DDB2: variants seen among roughly 807,000 people sequenced by gnomAD.
DDB2 encodes the protein damage specific DNA binding protein 2.
A neutral mutation model predicts 50.5 loss-of-function variants in DDB2; 27 were observed. The observed-to-expected ratio is 0.53, with a 90% CI of 0.39 to 0.74. DDB2 has a LOEUF of 0.74. Ranked by LOEUF, DDB2 falls within the 30% of genes least tolerant of loss-of-function variation. The pLI, the probability that DDB2 is intolerant of heterozygous loss-of-function variation, is 0.00. For missense variants in DDB2, 424 were observed against 545.6 expected, an observed-to-expected ratio of 0.78 and a Z score of 2.22; for synonymous variants, 176 against 205.5, an observed-to-expected ratio of 0.86 and a Z score of 1.23.
At position 47,232,946 on chromosome 11, in the gene DDB2, T is replaced by C. The variant is rs1297470860; in HGVS notation, c.589T>C (p.Ser197Pro). 1.2e-6 allele frequency: 2 copies of C among 1,614,200 alleles called. No individual in the cohort carries two copies. Among genetic ancestry groups the C allele is most frequent in the Non-Finnish European group, 1.7e-6 (2 of 1,180,038 alleles). Residue 197 changes from serine (S) to proline (P), a missense_variant, in exon 4 of 10, where the codon TCA becomes CCA. Transcript: ENST00000256996. Reference sequence around the variant, plus strand: ...CAACATTCTACGAGTTTTTGCCAGCTCAGACACCATCAAGTGAGTAGTTTA... The same window carrying C: ...CAACATTCTACGAGTTTTTGCCAGCCCAGACACCATCAAGTGAGTAGTTTA... ...KGNILRVFAS[S>P]DTINIWFCSL...
chr11:47,222,613 C>T (rs956089763), intron 3 of DDB2, among the ~76,000 whole-genome samples: 1 of 152,112 alleles, frequency 6.6e-6, no homozygotes, highest in African/African-American at 2.4e-5. Flanking sequence ...CCCAAAGTGC[C>T]GGGATTATAG....
At chr11:47,223,585 C>T (rs1472238574) in intron 3 of DDB2, among the ~76,000 whole-genome samples, 1 of 151,998 alleles carries the variant, frequency 6.6e-6, no homozygotes, top group East Asian at 1.9e-4. Context: ...TTGAGACCAC[C>T]CTGGCTAACA....
chr11:47,215,122 C>T lies in DDB2; in HGVS notation c.-15C>T, dbSNP rs759835280. ...CTTCGCATAGAGCACAGTACCCCTTCACACGGAGGACGCGATGGCTCCCAA... is the reference window on the plus strand; with the variant it reads ...CTTCGCATAGAGCACAGTACCCCTTTACACGGAGGACGCGATGGCTCCCAA... On this transcript the variant is annotated 5_prime_UTR_variant, in exon 1 of 10. Transcript: ENST00000256996. The T allele has an allele frequency of 6.2e-7, 1 of 1,614,028 alleles. No homozygotes were observed. The highest frequency in any genetic ancestry group is 1.1e-5 in the South Asian group (1 of 91,074).
chr11:47,234,655 A>G lies in DDB2; in HGVS notation c.685A>G (p.Asn229Asp). 2.5e-6 allele frequency: 4 copies of G among 1,614,062 alleles called. No homozygotes were observed. The highest frequency in any genetic ancestry group is 1.1e-5 in the South Asian group (1 of 91,082). The change falls in exon 5 of 10, where the codon AAC (asparagine) becomes GAC (aspartate). Residue 229 changes from asparagine to aspartate, a missense_variant. By Grantham distance (23) the Asn-to-Asp change is conservative. Coordinates refer to ENST00000256996, the MANE Select transcript of DDB2 (RefSeq NM_000107.3). Reference sequence around the variant, plus strand: ...CAACGTGGGGAACGTGATCCTGCTGAACATGGACGGCAAAGAGGTGCGTTC... The same window carrying G: ...CAACGTGGGGAACGTGATCCTGCTGGACATGGACGGCAAAGAGGTGCGTTC... Reference protein sequence around the residue: ...GDNVGNVILLNMDGKELWNLR... With the variant: ...GDNVGNVILLDMDGKELWNLR...
In DDB2 at chr11:47,221,362, C is replaced by T. The variant is rs542774933; in HGVS notation, c.456+4313C>T. The stretch of plus-strand genomic sequence containing the variant: ...GATCTCACCTCACTGCAACCTCCGC[C>T]TCCTGGGTTCAAGCTATTCTCCTTC... On this transcript the variant is annotated intron_variant, in intron 3 of 9. Coordinates refer to ENST00000256996, the MANE Select transcript of DDB2 (RefSeq NM_000107.3). Among the ~76,000 whole-genome samples, 15 of 151,926 alleles carry T rather than the reference C, an allele frequency of 9.9e-5. No individual in the cohort carries two copies. The South Asian group carries it at 2.9e-3, about 30-fold the overall frequency.
At chr11:47,216,803 A>G in intron 2 of DDB2, 55 bp from the exon 3 acceptor site, 1 of 1,566,522 alleles carries the variant, frequency 6.4e-7, no homozygotes, top group South Asian at 1.1e-5. Context: ...AGAGATTGGC[A>G]GTTTACCCAG....
chr11:47,236,628 G>A (rs1333006892), intron 7 of DDB2, among the ~76,000 whole-genome samples: 1 of 152,342 alleles, frequency 6.6e-6, no homozygotes, highest in South Asian at 2.1e-4. Flanking sequence ...TAGGGTTGTT[G>A]TGAAGATGAG....
intron 4 of DDB2, chr11:47,233,237 A>G (rs1953674416): frequency 2.1e-6 from 1 of 484,982 alleles, no homozygotes; most frequent in Non-Finnish European, 3.8e-6. Context: ...ATAAGCCAGC[A>G]TGGCGTGGAC....
intron 3 of DDB2, chr11:47,217,432 A>G (rs917497170): frequency 1.3e-5 from 2 of 155,304 alleles, no homozygotes; most frequent in African/African-American, 4.8e-5. Context: ...TGTTTGTTGA[A>G]GGCATGAAAG....
In DDB2 at chr11:47,238,331, C is replaced by T; in HGVS notation, c.1234+148C>T. The T allele has an allele frequency of 6.1e-5, 45 of 742,044 alleles. No homozygotes were observed. In the South Asian group the frequency reaches 6.7e-4, roughly 11 times the overall value. The allele number at this position is 742,044 out of a possible 1,614,324, so 46.0% of individuals were successfully genotyped here. On this transcript the variant is annotated intron_variant, in intron 9 of 9. Coordinates refer to ENST00000256996, the MANE Select transcript of DDB2 (RefSeq NM_000107.3). ...GGCTGGGAGACAGTGGTCTCTATAGCCAAGGCCCTCCATTCCTCTGGCTTT... is the reference window on the plus strand; with the variant it reads ...GGCTGGGAGACAGTGGTCTCTATAGTCAAGGCCCTCCATTCCTCTGGCTTT...
In DDB2 at chr11:47,215,108, G is replaced by GCA. The variant is rs764220947; in HGVS notation, c.-26_-25dup. On this transcript the variant is annotated 5_prime_UTR_variant, in exon 1 of 10. Coordinates refer to ENST00000256996, the MANE Select transcript of DDB2 (RefSeq NM_000107.3). ...CCTCCCTCCATGATCTTCGCATAGA[G>GCA]CACAGTACCCCTTCACACGGAGGAC... is the stretch of plus-strand genomic sequence containing the variant. The GCA allele has an allele frequency of 6.2e-7, 1 of 1,613,800 alleles. No homozygotes were observed. Among genetic ancestry groups the GCA allele is most frequent in the African/African-American group, 1.3e-5 (1 of 74,906 alleles).
At chr11:47,228,591 C>T (rs1173526836) in intron 3 of DDB2, among the ~76,000 whole-genome samples, 1 of 142,076 alleles carries the variant, frequency 7.0e-6, no homozygotes, top group Non-Finnish European at 1.5e-5. Flanking sequence ...TGCAGTGAGC[C>T]AAGATTGTGC....
At chr11:47,225,555 G>T (rs1953546660) in intron 3 of DDB2, among the ~76,000 whole-genome samples, 1 of 151,528 alleles carries the variant, frequency 6.6e-6, no homozygotes, top group African/African-American at 2.4e-5. Context: ...TTATGCCACT[G>T]CACTCCAGCC....
intron 4 of DDB2, 33 bp from the exon 5 acceptor site, chr11:47,234,540 C>T: frequency 1.3e-6 from 2 of 1,583,822 alleles, no homozygotes; most frequent in Non-Finnish European, 1.7e-6. Context: ...ATCTCTGTCC[C>T]CAAGAATCTT....
intron 3 of DDB2, among the ~76,000 whole-genome samples, chr11:47,225,290 C>T (rs936891140): frequency 4.0e-5 from 6 of 148,678 alleles, no homozygotes; most frequent in African/African-American, 1.2e-4. Flanking sequence ...AGTAATACTG[C>T]TTTTTTTAAA....
intron 3 of DDB2, among the ~76,000 whole-genome samples, chr11:47,230,626 T>C (rs946131149): frequency 3.3e-5 from 5 of 152,068 alleles, no homozygotes; most frequent in African/African-American, 9.7e-5. Flanking sequence ...CCATGAGCAT[T>C]AGAATGACCG....
At position 47,239,000 on chromosome 11, in the gene DDB2, C is replaced by A. The variant is rs4647760; in HGVS notation, c.*151C>A. The A allele has an allele frequency of 0.019, 14,194 of 736,112 alleles. 196 individuals carry two copies. Among genetic ancestry groups the A allele is most frequent in the Non-Finnish European group, 0.028 (12,099 of 437,492 alleles). The allele number at this position is 736,112 out of a possible 1,614,324, so 45.6% of individuals were successfully genotyped here. A position where few individuals can be genotyped will look rare whatever the true frequency, so the allele number is the denominator to read the frequency against. On this transcript the variant is annotated 3_prime_UTR_variant, in exon 10 of 10. Transcript: ENST00000256996. The stretch of plus-strand genomic sequence containing the variant: ...TGCTGGGACCTGGGGCACTGTGGGA[C>A]TGGGACACTTTTATGTTAATGCTCT...
chr11:47,229,783 A>C (rs561047839), intron 3 of DDB2: 1 of 418,040 alleles, frequency 2.4e-6, no homozygotes, highest in East Asian at 7.1e-5. Context: ...AATCTTTTAT[A>C]AGTATCTCAC....
intron 4 of DDB2, chr11:47,233,205 A>G: frequency 3.7e-6 from 2 of 547,634 alleles, no homozygotes; most frequent in Non-Finnish European, 6.6e-6. Flanking sequence ...CCTGTATTAG[A>G]CTGGACCTTG....
Sources: gnomAD v4.1 joint callset for allele counts (sites outside exome capture counted in the v4.1 genomes callset) on GRCh38, gnomAD v4.1.1 for gene constraint, MANE v1.5 for transcripts, NCBI Gene and HGNC (gene_info 2026-07-23, HGNC 2026-07-21) for gene names.